The following GRIN2C variants were observed in gnomAD, a reference collection of about 807,000 sequenced individuals.
The protein encoded by GRIN2C is glutamate ionotropic receptor NMDA type subunit 2C.
GRIN2C carries 64 observed loss-of-function variants against 77.7 expected under a neutral mutation model. The observed-to-expected ratio is 0.82, with a 90% CI of 0.67 to 1.01. The LOEUF is 1.01. GRIN2C is among the 50% of genes least tolerant of loss of function. GRIN2C has a pLI of 0.00. For synonymous variants in GRIN2C, 792 were observed against 643.4 expected (o/e 1.23, Z -3.49); for missense variants, 1,549 against 1,486.0 (o/e 1.04, Z -0.70).
At position 74,847,446 on chromosome 17, in the gene GRIN2C, C is replaced by T. The variant is rs146167868; in HGVS notation, c.1863G>A (p.Arg621=). 7.4e-6 allele frequency: 12 copies of T among 1,614,004 alleles called. No homozygotes were observed. Among genetic ancestry groups the T allele is most frequent in the Non-Finnish European group, 9.3e-6 (11 of 1,179,984 alleles). ...GAACCATGATCTTGCTGGTGGTGCCCCGCGGGTTCTCGATGGGCACTGAGT... is the reference window on the plus strand; with the variant it reads ...GAACCATGATCTTGCTGGTGGTGCCTCGCGGGTTCTCGATGGGCACTGAGT... The part of the protein sequence containing the change: ...FNNSVPIENP[R]GTTSKIMVLV... The change falls in exon 9 of 13, where the codon CGG becomes CGA. Residue 621 remains arginine, a synonymous_variant. Coordinates refer to ENST00000293190, the MANE Select transcript of GRIN2C (RefSeq NM_000835.6). This position sits in a 1 kb window ranked among gnomAD's most constrained non-coding sequence, Gnocchi z 5.2.
At position 74,852,618 on chromosome 17, in the gene GRIN2C, G is replaced by GA. The variant is rs1305620192; in HGVS notation, c.400-8_400-7insT. Reference sequence around the variant, plus strand: ...GGAAGGCGGAGCCCGGCTCCTGGGGGCGGGCGGGGCCTGAGCGGGGCGGGA... The same window carrying GA: ...GGAAGGCGGAGCCCGGCTCCTGGGGGACGGGCGGGGCCTGAGCGGGGCGGGA... On this transcript the variant is annotated splice_region_variant and splice_polypyrimidine_tract_variant and intron_variant, in intron 2 of 12. Transcript: ENST00000293190. 20 of 1,082,080 alleles carry GA rather than the reference G, an allele frequency of 1.8e-5. No individual in the cohort carries two copies. Among genetic ancestry groups the GA allele is most frequent in the East Asian group, 1.1e-4 (3 of 26,884 alleles). 67.0% of individuals were successfully genotyped at this position (1,082,080 alleles called of 1,614,324 possible). A position where few individuals can be genotyped will look rare whatever the true frequency, so the allele number is the denominator to read the frequency against.
rs1480065531 is a variant in GRIN2C, at chr17:74,852,618, G to C, written c.400-7C>G. 17 of 1,082,066 alleles carry C rather than the reference G, an allele frequency of 1.6e-5. No individual in the cohort carries two copies. In the East Asian group the frequency reaches 6.0e-4, roughly 38 times the overall value. The allele number at this position is 1,082,066 out of a possible 1,614,324, so 67.0% of individuals were successfully genotyped here. ...GGAAGGCGGAGCCCGGCTCCTGGGGGCGGGCGGGGCCTGAGCGGGGCGGGA... is the reference window on the plus strand; with the variant it reads ...GGAAGGCGGAGCCCGGCTCCTGGGGCCGGGCGGGGCCTGAGCGGGGCGGGA... On this transcript the variant is annotated splice_region_variant and splice_polypyrimidine_tract_variant and intron_variant, in intron 2 of 12. Transcript: ENST00000293190.
At chr17:74,851,929 G>T (rs1319304355) in intron 3 of GRIN2C, 84 bp downstream of exon 3, 1 of 1,076,252 alleles carries the variant, frequency 9.3e-7, no homozygotes, top group Non-Finnish European at 1.3e-6. Flanking sequence ...GGGAGGTGTG[G>T]CTGGCCAGCC....
intron 1 of GRIN2C, among the ~76,000 whole-genome samples, chr17:74,858,624 C>T (rs1278668351): frequency 6.9e-6 from 1 of 144,532 alleles, no homozygotes; most frequent in Non-Finnish European, 1.5e-5. Flanking sequence ...CACCTACCCA[C>T]CCCCGCCAGC....
In GRIN2C at chr17:74,850,124, A is replaced by G; in HGVS notation, c.1491+82T>C. The G allele has an allele frequency of 2.0e-6, 3 of 1,492,932 alleles. No individual in the cohort carries two copies. The highest frequency in any genetic ancestry group is 2.8e-6 in the Non-Finnish European group (3 of 1,081,970). 92.5% of individuals were successfully genotyped at this position (1,492,932 alleles called of 1,614,324 possible). On this transcript the variant is annotated intron_variant, in intron 6 of 12. Coordinates refer to ENST00000293190, the MANE Select transcript of GRIN2C (RefSeq NM_000835.6). The surrounding 1 kb of genome is among the most constrained non-coding windows in gnomAD (Gnocchi z 5.3). The stretch of plus-strand genomic sequence containing the variant: ...TTGGTGACAGCCCATGCCCCCCTCT[A>G]GAGGGCATCTGAGAGCCACATGGGG...
chr17:74,854,778 GGCCACC>G lies in GRIN2C; in HGVS notation c.309_314del (p.Val104_Ala105del). On this transcript the variant is annotated inframe_deletion, in exon 2 of 13. Transcript: ENST00000293190. ...GGGAGGAGATGAAGTCAAGGATCTG[GGCCACC>G]GCCTCGGTGTCCACGTTGTCCTCAA... is the stretch of plus-strand genomic sequence containing the variant. 1.2e-6 allele frequency: 2 copies of G among 1,613,850 alleles called. No individual in the cohort carries two copies. The highest frequency in any genetic ancestry group is 1.7e-6 in the Non-Finnish European group (2 of 1,179,774).
Position 74,842,697 on chromosome 17 carries a change from T to C in GRIN2C, c.3440A>G (p.Gln1147Arg). 2 of 722,768 alleles carry C rather than the reference T, an allele frequency of 2.8e-6. No homozygotes were observed. The highest frequency in any genetic ancestry group is 5.1e-6 in the Non-Finnish European group (2 of 388,830). The allele number at this position is 722,768 out of a possible 1,614,324, so 44.8% of individuals were successfully genotyped here. Reference sequence around the variant, plus strand: ...GGCGTGGGCGTGCAGGCAGACGTGCTGTCTGTGCTGCCAGGCGGGGGCCCC... The same window carrying C: ...GGCGTGGGCGTGCAGGCAGACGTGCCGTCTGTGCTGCCAGGCGGGGGCCCC... ...QAGAPAWQHR[Q>R]HVCLHAHAHL... The change falls in exon 13 of 13, where the codon CAG (glutamine) becomes CGG (arginine). Residue 1147 changes from glutamine (Q) to arginine (R), a missense_variant. Physicochemically the swap from Gln to Arg is conservative, Grantham distance 43. Transcript: ENST00000293190.
At position 74,846,755 on chromosome 17, in the gene GRIN2C, C is replaced by A; in HGVS notation, c.2162+5G>T. On this transcript the variant is annotated splice_donor_5th_base_variant and intron_variant, in intron 10 of 12. Transcript: ENST00000293190. The surrounding 1 kb of genome is among the most constrained non-coding windows in gnomAD (Gnocchi z 4.4). The stretch of plus-strand genomic sequence containing the variant: ...AAGACAGCGGGTGCAGGGCTGGGGA[C>A]CCACCCCATCTTGAGGCTGGTGAGC... The A allele has an allele frequency of 6.2e-7, 1 of 1,612,650 alleles. No individual in the cohort carries two copies. Among genetic ancestry groups the A allele is most frequent in the Non-Finnish European group, 8.5e-7 (1 of 1,179,206 alleles).
intron 2 of GRIN2C, 28 bp from the exon 3 acceptor site, chr17:74,852,639 C>CG (rs201209302): frequency 1 from 1,143,810 of 1,143,878 alleles, 571,871 homozygotes; most frequent in African/African-American, 1. Context: ...CTGAGCGGGG[C>CG]GGGAGGGCCG....
Position 74,851,659 on chromosome 17 carries a change from T to C in GRIN2C, c.1031A>G (p.Asp344Gly). ...GTACCCACCAGGGCTGAAGGAGAAG[T>C]CTCGGCCCTCCCAGGTGACATTCAG... is the stretch of plus-strand genomic sequence containing the variant. ...HLLNVTWEGR[D>G]FSFSPGGYLV... Residue 344 changes from aspartate to glycine, a missense_variant, in exon 4 of 13, where the codon GAC (aspartate) becomes GGC (glycine). By Grantham distance (94) the Asp-to-Gly change is moderately conservative. Transcript: ENST00000293190. The C allele has an allele frequency of 6.4e-7, 1 of 1,572,632 alleles. No individual in the cohort carries two copies. The highest frequency in any genetic ancestry group is 8.6e-7 in the Non-Finnish European group (1 of 1,158,406).
In GRIN2C at chr17:74,847,645, G is replaced by A. The variant is rs2037504417; in HGVS notation, c.1772-108C>T. On this transcript the variant is annotated intron_variant, in intron 8 of 12. Transcript: ENST00000293190. The surrounding 1 kb of genome is among the most constrained non-coding windows in gnomAD (Gnocchi z 5.2). ...GCTCCGGTCTCAGCCTGGCCTTGGG[G>A]GGGACGCGTCCTGGCCATTCCCTCG... 12 of 938,576 alleles carry A rather than the reference G, an allele frequency of 1.3e-5. No homozygotes were observed. Among genetic ancestry groups the A allele is most frequent in the African/African-American group, 1.6e-5 (1 of 61,122 alleles). The allele number at this position is 938,576 out of a possible 1,614,324, so 58.1% of individuals were successfully genotyped here. A position where few individuals can be genotyped will look rare whatever the true frequency, so the allele number is the denominator to read the frequency against.
Position 74,847,737 on chromosome 17 carries a change from G to T in GRIN2C, c.1771+115C>A. 9.3e-7 allele frequency: 1 copy of T among 1,070,464 alleles called. No homozygotes were observed. The highest frequency in any genetic ancestry group is 1.4e-6 in the Non-Finnish European group (1 of 721,738). 66.3% of individuals were successfully genotyped at this position (1,070,464 alleles called of 1,614,324 possible). A position where few individuals can be genotyped will look rare whatever the true frequency, so the allele number is the denominator to read the frequency against. On this transcript the variant is annotated intron_variant, in intron 8 of 12. Coordinates refer to ENST00000293190, the MANE Select transcript of GRIN2C (RefSeq NM_000835.6). This position sits in a 1 kb window ranked among gnomAD's most constrained non-coding sequence, Gnocchi z 5.2. ...GTCATCTGACTGGCCCCCAGCATGT[G>T]CCATCCAAAAGCAAGGGACCTCCCA...
At chr17:74,860,722 G>A (rs1598504355), upstream of GRIN2C, 1 of 351,490 alleles carries the variant, frequency 2.8e-6, no homozygotes, top group East Asian at 7.7e-5. Context: ...GCACGGGCCA[G>A]CATCTGCAAG....
Position 74,849,851 on chromosome 17 carries a change from G to C in GRIN2C, c.1574C>G (p.Pro525Arg). ...ERSEIVDFSV[P>R]FVETGISVMV... ...CACACTGATGCCCGTCTCCACAAAG[G>C]GTACAGAGAAGTCTACGATCTCGGA... is the stretch of plus-strand genomic sequence containing the variant. Residue 525 changes from proline (P) to arginine (R), a missense_variant, in exon 7 of 13, where the codon CCC becomes CGC. Physicochemically the swap from Pro to Arg is moderately radical, Grantham distance 103. Around this residue, in one of 3 missense-constraint regions of GRIN2C, gnomAD observed 717 missense variants for 858.1 expected, o/e 0.84. Transcript: ENST00000293190. This position sits in a 1 kb window ranked among gnomAD's most constrained non-coding sequence, Gnocchi z 4.6. 1 of 1,613,440 alleles carries C rather than the reference G, an allele frequency of 6.2e-7. No homozygotes were observed. The highest frequency in any genetic ancestry group is 8.5e-7 in the Non-Finnish European group (1 of 1,179,784).
chr17:74,860,262 C>A (rs896103650), upstream of GRIN2C, among the ~76,000 whole-genome samples: 1 of 152,230 alleles, frequency 6.6e-6, no homozygotes, highest in South Asian at 2.1e-4. Flanking sequence ...CGGAATGGTA[C>A]CCTCCCCAAA....
upstream of GRIN2C, chr17:74,861,431 G>C (rs2037952916): frequency 6.6e-6 from 1 of 152,076 alleles, no homozygotes; most frequent in South Asian, 2.1e-4. Flanking sequence ...CACTTACCGA[G>C]GGGAAGGGGC....
chr17:74,847,272 G>GGCCCCCCC lies in GRIN2C; in HGVS notation c.2001+35_2001+36insGGGGGGGC. On this transcript the variant is annotated intron_variant, in intron 9 of 12. Coordinates refer to ENST00000293190, the MANE Select transcript of GRIN2C (RefSeq NM_000835.6). This position sits in a 1 kb window ranked among gnomAD's most constrained non-coding sequence, Gnocchi z 5.2. ...CTCACGGCCTGTCCCCACCCTCAGTGCCCCCCCCCACCCCCAGCAGCTATG... is the reference window on the plus strand; with the variant it reads ...CTCACGGCCTGTCCCCACCCTCAGTGGCCCCCCCCCCCCCCCCACCCCCAGCAGCTATG... 1.2e-5 allele frequency: 8 copies of GGCCCCCCC among 692,292 alleles called. No homozygotes were observed. The highest frequency in any genetic ancestry group is 3.9e-5 in the Admixed American group (2 of 51,132). The allele number at this position is 692,292 out of a possible 1,614,324, so 42.9% of individuals were successfully genotyped here.
In GRIN2C at chr17:74,846,290, T is replaced by C; in HGVS notation, c.2163-37A>G. The C allele has an allele frequency of 6.3e-7, 1 of 1,591,700 alleles. No homozygotes were observed. Among genetic ancestry groups the C allele is most frequent in the Non-Finnish European group, 8.6e-7 (1 of 1,160,920 alleles). The stretch of plus-strand genomic sequence containing the variant: ...CTGAGCCTCAGAGCTAGGGACCATA[T>C]GGGAGGGGAGGGGACACCGAAACTG... On this transcript the variant is annotated intron_variant, in intron 10 of 12. Coordinates refer to ENST00000293190, the MANE Select transcript of GRIN2C (RefSeq NM_000835.6). The surrounding 1 kb of genome is among the most constrained non-coding windows in gnomAD (Gnocchi z 4.4).
Position 74,847,641 on chromosome 17 carries a change from T to G in GRIN2C, c.1772-104A>C. ...CACAGCTCCGGTCTCAGCCTGGCCT[T>G]GGGGGGGACGCGTCCTGGCCATTCC... On this transcript the variant is annotated intron_variant, in intron 8 of 12. Coordinates refer to ENST00000293190, the MANE Select transcript of GRIN2C (RefSeq NM_000835.6). The surrounding 1 kb of genome is among the most constrained non-coding windows in gnomAD (Gnocchi z 5.2). The G allele has an allele frequency of 1.0e-6, 1 of 958,772 alleles. No individual in the cohort carries two copies. The highest frequency in any genetic ancestry group is 1.6e-6 in the Non-Finnish European group (1 of 628,574). 59.4% of individuals were successfully genotyped at this position (958,772 alleles called of 1,614,324 possible).
Sources: gnomAD v4.1 joint callset for allele counts (sites outside exome capture counted in the v4.1 genomes callset) on GRCh38, gnomAD v4.1.1 for gene constraint, gnomAD v4.1.1 regional missense constraint, Gnocchi (gnomAD v3.1) non-coding constraint, MANE v1.5 for transcripts, NCBI Gene and HGNC (gene_info 2026-07-23, HGNC 2026-07-21) for gene names.